The following GRM7 variants were observed in gnomAD, a reference collection of about 807,000 sequenced individuals.
The protein encoded by GRM7 is metabotropic glutamate receptor 7.
A neutral mutation model predicts 84.5 loss-of-function variants in GRM7; 35 were observed. The observed-to-expected ratio is 0.41, with a 90% confidence interval of 0.32 to 0.55. GRM7 has a LOEUF of 0.55. Among genes scored for constraint, GRM7 ranks in the 20% least tolerant of loss-of-function variants. The pLI is 0.19. For synonymous variants in GRM7, 487 were observed against 455.1 expected (o/e 1.07, Z -0.89); for missense variants, 1,003 against 1,194.6 (o/e 0.84, Z 2.36).
chr3:6,994,377 G>A (rs1694758448), intron 1 of GRM7, among the ~76,000 whole-genome samples: 1 of 152,126 alleles, frequency 6.6e-6, no homozygotes, highest in Non-Finnish European at 1.5e-5. Flanking sequence ...GCTGGGAGAG[G>A]GGAAACAATT....
chr3:7,616,330 G>T (rs1329060040), intron 8 of GRM7, among the ~76,000 whole-genome samples: 1 of 152,076 alleles, frequency 6.6e-6, no homozygotes, highest in Non-Finnish European at 1.5e-5. Flanking sequence ...AATTTCAAGT[G>T]CATAAATCTA....
chr3:7,391,847 G>C (rs1470004039), intron 4 of GRM7, among the ~76,000 whole-genome samples: 1 of 152,020 alleles, frequency 6.6e-6, no homozygotes, highest in African/African-American at 2.4e-5. Context: ...GAGCATGTTT[G>C]CCTTCAGTGG....
intron 4 of GRM7, among the ~76,000 whole-genome samples, chr3:7,389,238 AG>A (rs954812416): frequency 2.0e-5 from 3 of 152,108 alleles, no homozygotes; most frequent in African/African-American, 7.2e-5. Flanking sequence ...TGGTCTGAAA[AG>A]ATGCTTGATG....
Position 7,486,078 on chromosome 3 carries a change from T to G in GRM7, c.1515+24356T>G, listed in dbSNP as rs547371984. ...AAGTTGAGATAAACTTTAAAGTTCTTCAAAGAGTCAAAGGATGAGATAAAA... is the reference window on the plus strand; with the variant it reads ...AAGTTGAGATAAACTTTAAAGTTCTGCAAAGAGTCAAAGGATGAGATAAAA... On this transcript the variant is annotated intron_variant, in intron 7 of 9. Transcript: ENST00000357716. This position sits in a 1 kb window ranked among gnomAD's most constrained non-coding sequence, Gnocchi z 5.5. Among the ~76,000 whole-genome samples, 1 of 152,208 alleles carries G rather than the reference T, an allele frequency of 6.6e-6. No homozygotes were observed. The highest frequency in any genetic ancestry group is 1.5e-5 in the Non-Finnish European group (1 of 68,040).
intron 1 of GRM7, among the ~76,000 whole-genome samples, chr3:6,884,899 G>A (rs1470446681): frequency 1.3e-5 from 2 of 152,056 alleles, no homozygotes; most frequent in Non-Finnish European, 2.9e-5. Context: ...CGCCCGGCCA[G>A]ACACAGTTTT....
intron 9 of GRM7, chr3:7,691,438 G>T: frequency 6.4e-6 from 2 of 311,420 alleles, no homozygotes; most frequent in Non-Finnish European, 1.2e-5. Context: ...GATACTTGGG[G>T]TAGCATAAGC....
At chr3:7,348,625 C>G (rs556544643) in intron 4 of GRM7, among the ~76,000 whole-genome samples, 1 of 152,242 alleles carries the variant, frequency 6.6e-6, no homozygotes, top group East Asian at 1.9e-4. Context: ...GACCCAGACT[C>G]CTCTGATCAC....
chr3:7,206,544 T>A (rs1041669047), intron 2 of GRM7, among the ~76,000 whole-genome samples: 5 of 152,212 alleles, frequency 3.3e-5, no homozygotes, highest in Non-Finnish European at 7.3e-5. Flanking sequence ...CAACCTCCTT[T>A]ATTCCCTGGG....
At chr3:7,429,624 C>T (rs150872345) in intron 5 of GRM7, among the ~76,000 whole-genome samples, 26 of 151,988 alleles carry the variant, frequency 1.7e-4, no homozygotes, top group Non-Finnish European at 2.4e-4. Context: ...TATTTACAAT[C>T]GACTACAAAG....
chr3:7,686,572 A>T, intron 9 of GRM7: 4 of 596,376 alleles, frequency 6.7e-6, no homozygotes, highest in Non-Finnish European at 1.2e-5. Flanking sequence ...ATGAATTTTC[A>T]AAGATGATCG....
chr3:7,180,225 C>T (rs755673310), intron 2 of GRM7, among the ~76,000 whole-genome samples: 24 of 152,284 alleles, frequency 1.6e-4, no homozygotes, highest in Admixed American at 7.9e-4. Context: ...ACTTGCTTTT[C>T]GAACTGTTGA....
At chr3:7,016,664 G>C (rs1389667989) in intron 1 of GRM7, among the ~76,000 whole-genome samples, 1 of 152,148 alleles carries the variant, frequency 6.6e-6, no homozygotes, top group Non-Finnish European at 1.5e-5. Context: ...AAAAGTAGAG[G>C]ATTAAACTTG....
intron 1 of GRM7, among the ~76,000 whole-genome samples, chr3:6,978,060 A>G (rs981872617): frequency 2.0e-5 from 3 of 151,932 alleles, no homozygotes; most frequent in East Asian, 1.9e-4. Context: ...TGGGCTCACA[A>G]TAGAGTTTTT....
At chr3:7,397,475 A>G (rs911124906) in intron 4 of GRM7, among the ~76,000 whole-genome samples, 1 of 152,160 alleles carries the variant, frequency 6.6e-6, no homozygotes, top group Non-Finnish European at 1.5e-5. Flanking sequence ...AATGAATAAG[A>G]CCTAATATTC....
chr3:6,928,346 C>T lies in GRM7; in HGVS notation c.519+66439C>T, dbSNP rs974114675. 3.1e-4 allele frequency among the ~76,000 whole-genome samples: 47 copies of T among 152,166 alleles called. No homozygotes were observed. Among genetic ancestry groups the T allele is most frequent in the African/African-American group, 1.1e-3 (44 of 41,522 alleles). On this transcript the variant is annotated intron_variant, in intron 1 of 9. Coordinates refer to ENST00000357716, the MANE Select transcript of GRM7 (RefSeq NM_000844.4). The surrounding 1 kb of genome is among the most constrained non-coding windows in gnomAD (Gnocchi z 4.5). ...TTTCCCATGAAAGTTTACTATTTGG[C>T]ACTGGTCCTGCAGGAAGGTGGCAAT...
intron 7 of GRM7, among the ~76,000 whole-genome samples, chr3:7,476,243 TAAC>T (rs552394579): frequency 1.3e-5 from 2 of 152,106 alleles, no homozygotes; most frequent in Admixed American, 6.5e-5. Flanking sequence ...TTGTGAGAGT[TAAC>T]AACACGAAAA....
chr3:7,603,282 A>G (rs546198568), intron 8 of GRM7, among the ~76,000 whole-genome samples: 1 of 152,188 alleles, frequency 6.6e-6, no homozygotes, highest in African/African-American at 2.4e-5. Context: ...TCAAATAAGC[A>G]CTCAAGTCCA....
At chr3:6,988,163 ATTTTT>A (rs760807880) in intron 1 of GRM7, among the ~76,000 whole-genome samples, 5 of 95,284 alleles carry the variant, frequency 5.2e-5, no homozygotes, top group South Asian at 7.0e-4. Context: ...CGCCTGGCTA[ATTTTT>A]TTTTTTTTTT....
At chr3:7,500,160 T>G (rs1189248660) in intron 7 of GRM7, among the ~76,000 whole-genome samples, 1 of 152,212 alleles carries the variant, frequency 6.6e-6, no homozygotes, top group East Asian at 1.9e-4. Flanking sequence ...ACATACCAGG[T>G]TAAGGTATCT....
Sources: gnomAD v4.1 joint callset for allele counts (sites outside exome capture counted in the v4.1 genomes callset) on GRCh38, gnomAD v4.1.1 for gene constraint, Gnocchi (gnomAD v3.1) non-coding constraint, MANE v1.5 for transcripts, NCBI Gene and HGNC (gene_info 2026-07-23, HGNC 2026-07-21) for gene names.